The following AFF3 variants were observed in gnomAD, a reference collection of about 807,000 sequenced individuals.
The protein encoded by AFF3 is ALF transcription elongation factor 3.
A neutral mutation model predicts 129.7 loss-of-function variants in AFF3; 32 were observed. That is an observed-to-expected ratio of 0.25 (90% CI 0.19 to 0.33). The LOEUF (loss-of-function observed/expected upper bound fraction) is 0.33, where lower values mean the gene tolerates loss of function less well. Among genes scored for constraint, AFF3 ranks in the 10% least tolerant of loss-of-function variants. The pLI is 1.00. For synonymous variants in AFF3, 644 were observed against 635.4 expected, an observed-to-expected ratio of 1.01 and a Z score of -0.20; for missense variants, 1,373 against 1,592.0, an observed-to-expected ratio of 0.86 and a Z score of 2.34.
intron 4 of AFF3, among the ~76,000 whole-genome samples, chr2:100,031,979 T>C (rs1481715843): frequency 1.3e-5 from 2 of 152,046 alleles, no homozygotes; most frequent in Non-Finnish European, 2.9e-5. Context: ...GAGTGTTACA[T>C]ATTGAAAGTA....
chr2:100,055,678 A>T (rs1181202818), intron 4 of AFF3, among the ~76,000 whole-genome samples: 1 of 152,148 alleles, frequency 6.6e-6, no homozygotes, highest in East Asian at 1.9e-4. Context: ...AGCAAATATT[A>T]TAGGCTTTGC....
At chr2:100,081,475 T>C (rs1052539674) in intron 4 of AFF3, among the ~76,000 whole-genome samples, 2 of 151,946 alleles carry the variant, frequency 1.3e-5, no homozygotes, top group African/African-American at 4.8e-5. Context: ...ACCCAGGCAC[T>C]TCCTCCAACA....
At chr2:99,793,789 T>A (rs567466464) in intron 8 of AFF3, among the ~76,000 whole-genome samples, 1 of 152,208 alleles carries the variant, frequency 6.6e-6, no homozygotes, top group Non-Finnish European at 1.5e-5. Flanking sequence ...TCTGCTCCTA[T>A]CTTTATTATT....
chr2:99,953,957 G>C (rs1355447506), intron 7 of AFF3, among the ~76,000 whole-genome samples: 4 of 152,172 alleles, frequency 2.6e-5, no homozygotes, highest in Non-Finnish European at 4.4e-5. Context: ...TGAGTGACTG[G>C]GGAGACACAG....
At chr2:99,832,910 C>T (rs182994016) in intron 8 of AFF3, among the ~76,000 whole-genome samples, 296 of 152,172 alleles carry the variant, frequency 1.9e-3, no homozygotes, top group Non-Finnish European at 3.4e-3. Flanking sequence ...AATCTTTGCT[C>T]TTGGAAACAA....
At chr2:99,781,471 C>T (rs547411510) in intron 8 of AFF3, among the ~76,000 whole-genome samples, 1 of 152,334 alleles carries the variant, frequency 6.6e-6, no homozygotes, top group East Asian at 1.9e-4. Flanking sequence ...GCTGGGTCAG[C>T]AAAACAATGG....
chr2:99,661,965 C>T (rs889733801), intron 12 of AFF3, among the ~76,000 whole-genome samples: 1 of 152,124 alleles, frequency 6.6e-6, no homozygotes, highest in Non-Finnish European at 1.5e-5. Context: ...CGCGGTGAAA[C>T]CCCGTCTCTA....
intron 7 of AFF3, among the ~76,000 whole-genome samples, chr2:99,840,512 G>T (rs1576156169): frequency 6.6e-6 from 1 of 152,288 alleles, no homozygotes; most frequent in East Asian, 1.9e-4. Context: ...TGCACTACTT[G>T]GCTTATCCTT....
chr2:99,974,997 C>T (rs1678736797), intron 7 of AFF3, among the ~76,000 whole-genome samples: 2 of 152,184 alleles, frequency 1.3e-5, no homozygotes, highest in African/African-American at 4.8e-5. Context: ...TTCCTGAAAC[C>T]TGTAGCTCAA....
intron 13 of AFF3, among the ~76,000 whole-genome samples, chr2:99,640,568 G>A (rs776426870): frequency 1.3e-5 from 2 of 151,260 alleles, no homozygotes; most frequent in Admixed American, 6.6e-5. Context: ...CTTGCTTCAC[G>A]ATGTCTTGTA....
At chr2:99,555,964 C>CGAA (rs1674878671) in intron 22 of AFF3, among the ~76,000 whole-genome samples, 2 of 152,210 alleles carry the variant, frequency 1.3e-5, no homozygotes, top group Admixed American at 1.3e-4. Context: ...GGGAGCTTAT[C>CGAA]CTCCCTTTCT....
rs1434717362 is a variant in AFF3, at chr2:99,547,206, T to C, written c.*4268A>G. 1 of 215,452 alleles carries C rather than the reference T, an allele frequency of 4.6e-6. No homozygotes were observed. The highest frequency in any genetic ancestry group is 9.4e-6 in the Non-Finnish European group (1 of 106,764). The allele number at this position is 215,452 out of a possible 1,614,324, so 13.3% of individuals were successfully genotyped here. A position where few individuals can be genotyped will look rare whatever the true frequency, so the allele number is the denominator to read the frequency against. ...TTCTCAAGTTTCCGTGTAAAAATAT[T>C]CACAGAAATTGGTGGATGTCTTTTA... On this transcript the variant is annotated 3_prime_UTR_variant, in exon 25 of 25. Transcript: ENST00000672756.
At chr2:99,566,272 T>C (rs569244681) in intron 19 of AFF3, among the ~76,000 whole-genome samples, 1 of 151,742 alleles carries the variant, frequency 6.6e-6, no homozygotes, top group Admixed American at 6.6e-5. Flanking sequence ...TTTGTTGTTG[T>C]TAATATTTAG....
chr2:100,022,246 G>A (rs777016674), intron 4 of AFF3, among the ~76,000 whole-genome samples: 4 of 152,130 alleles, frequency 2.6e-5, no homozygotes, highest in Non-Finnish European at 5.9e-5. Flanking sequence ...TATTTTACTT[G>A]ATTCCCTAGA....
At chr2:99,791,904 C>T (rs781727476) in intron 8 of AFF3, among the ~76,000 whole-genome samples, 4 of 150,948 alleles carry the variant, frequency 2.6e-5, no homozygotes, top group African/African-American at 9.8e-5. Context: ...ATCCCAAGTG[C>T]AAAAAAGTTG....
chr2:100,076,457 G>T (rs1238288994), intron 4 of AFF3, among the ~76,000 whole-genome samples: 1 of 152,148 alleles, frequency 6.6e-6, no homozygotes, highest in Non-Finnish European at 1.5e-5. Flanking sequence ...AGGCAATGTG[G>T]TCACTGCAGG....
intron 12 of AFF3, among the ~76,000 whole-genome samples, chr2:99,662,712 G>T (rs1364329385): frequency 6.6e-6 from 1 of 152,174 alleles, no homozygotes; most frequent in Non-Finnish European, 1.5e-5. Flanking sequence ...TAATGTAGGA[G>T]AAACTTCATT....
intron 9 of AFF3, among the ~76,000 whole-genome samples, chr2:99,746,279 G>T (rs1390596481): frequency 2.0e-5 from 3 of 150,808 alleles, no homozygotes; most frequent in East Asian, 2.0e-4. Context: ...CTTCTATTAC[G>T]TGGCTTAATG....
Position 99,601,544 on chromosome 2 carries a change from C to G in AFF3, c.1262G>C (p.Ser421Thr). The change falls in exon 14 of 25, where the codon AGC (serine) becomes ACC (threonine). Residue 421 changes from serine to threonine, a missense_variant. Around this residue, in one of 9 missense-constraint regions of AFF3, gnomAD observed 413 missense variants for 424.4 expected, o/e 0.97. Transcript: ENST00000672756. Reference sequence around the variant, plus strand: ...CTCTGAGTCGCTGGAGGAGCTGCTGCTGCCGCTGCTGCTGCTGCTGCTGCT... The same window carrying G: ...CTCTGAGTCGCTGGAGGAGCTGCTGGTGCCGCTGCTGCTGCTGCTGCTGCT... ...KGSSSSSSSG[S>T]SSSSSDSESS... The G allele has an allele frequency of 3.7e-6, 6 of 1,602,268 alleles. No individual in the cohort carries two copies. Among genetic ancestry groups the G allele is most frequent in the Non-Finnish European group, 4.3e-6 (5 of 1,176,094 alleles).
Sources: gnomAD v4.1 joint callset for allele counts (sites outside exome capture counted in the v4.1 genomes callset) on GRCh38, gnomAD v4.1.1 for gene constraint, gnomAD v4.1.1 regional missense constraint, MANE v1.5 for transcripts, NCBI Gene and HGNC (gene_info 2026-07-23, HGNC 2026-07-21) for gene names.